The following KIAA1217 variants were observed in gnomAD, a reference collection of about 807,000 sequenced individuals.
KIAA1217 encodes the protein KIAA1217, also known as sickle tail protein homolog.
A neutral mutation model predicts 163.9 loss-of-function variants in KIAA1217; 88 were observed. The observed-to-expected ratio is 0.54, with a 90% confidence interval of 0.45 to 0.64. The LOEUF is 0.64. Ranked by LOEUF, KIAA1217 falls within the 30% of genes least tolerant of loss-of-function variation. The probability of loss-of-function intolerance (pLI) is 0.00; values close to 1 mark genes in which losing one functional copy is unlikely to be tolerated. For synonymous variants in KIAA1217, 903 were observed against 923.1 expected (o/e 0.98, Z 0.39); for missense variants, 2,372 against 2,475.0 (o/e 0.96, Z 0.88).
chr10:24,062,481 T>A (rs1291390437), intron 2 of KIAA1217, among the ~76,000 whole-genome samples: 2 of 151,772 alleles, frequency 1.3e-5, no homozygotes, highest in Middle Eastern at 3.2e-3. Flanking sequence ...TCATTTTTTA[T>A]GGCTGCATAG....
In KIAA1217 at chr10:24,367,231, G is replaced by A. The variant is rs141486891; in HGVS notation, c.355-13638G>A. 6.7e-3 allele frequency: 5,749 copies of A among 858,550 alleles called. 26 individuals carry two copies. The highest frequency in any genetic ancestry group is 7.3e-3 in the Non-Finnish European group (5,200 of 713,816). 53.2% of individuals were successfully genotyped at this position (858,550 alleles called of 1,614,324 possible). ...ACTCTACCTGTTCTTTTTCTGCATC[G>A]AGTTGCACCCTCATCCTGCACCTTT... On this transcript the variant is annotated intron_variant, in intron 2 of 20. Transcript: ENST00000376454.
At chr10:24,326,850 A>G (rs1025769747) in intron 2 of KIAA1217, among the ~76,000 whole-genome samples, 1 of 152,168 alleles carries the variant, frequency 6.6e-6, no homozygotes, top group Non-Finnish European at 1.5e-5. Flanking sequence ...ATGGCATTTT[A>G]ATGATAATTA....
intron 9 of KIAA1217, among the ~76,000 whole-genome samples, chr10:24,510,604 T>C (rs1222689746): frequency 6.6e-6 from 1 of 152,146 alleles, no homozygotes; most frequent in Non-Finnish European, 1.5e-5. Context: ...TTTAATTATC[T>C]ACTCATTTTC....
At chr10:23,959,245 A>G (rs1308665901) in intron 1 of KIAA1217, among the ~76,000 whole-genome samples, 1 of 152,070 alleles carries the variant, frequency 6.6e-6, no homozygotes, top group African/African-American at 2.4e-5. Context: ...ATAATAAAAG[A>G]TATGCTGGGC....
At chr10:24,457,427 G>T (rs1191760262) in intron 5 of KIAA1217, among the ~76,000 whole-genome samples, 16 of 151,034 alleles carry the variant, frequency 1.1e-4, no homozygotes, top group Admixed American at 9.9e-4. Flanking sequence ...AGGCTGGAGT[G>T]CAGTGGTATA....
At chr10:24,125,322 CTGTGTGTGTGTGTGTG>C (rs58143239) in intron 2 of KIAA1217, among the ~76,000 whole-genome samples, 60 of 143,814 alleles carry the variant, frequency 4.2e-4, no homozygotes, top group African/African-American at 1.5e-3. Context: ...ATCCTATGCT[CTGTGTGTGTGTGTGTG>C]TGTGTGTGTG....
chr10:24,163,102 G>A lies in KIAA1217; in HGVS notation c.-170-56524G>A, dbSNP rs556676796. ...AGTGTCAGGAAGCAGGCATCACTGG[G>A]GACCCTCTTGGAGGCTGCCTACCAC... On this transcript the variant is annotated intron_variant, in intron 2 of 18. Transcript: ENST00000376462. 2.6e-5 allele frequency among the ~76,000 whole-genome samples: 4 copies of A among 152,264 alleles called. No homozygotes were observed. In the South Asian group the frequency reaches 6.2e-4, roughly 24 times the overall value.
At chr10:24,410,701 G>A (rs2057687587) in intron 3 of KIAA1217, among the ~76,000 whole-genome samples, 1 of 152,204 alleles carries the variant, frequency 6.6e-6, no homozygotes, top group South Asian at 2.1e-4. Flanking sequence ...CAGGTTAATA[G>A]CACTTTTATA....
At chr10:24,465,275 C>T (rs1463524585) in intron 5 of KIAA1217, among the ~76,000 whole-genome samples, 2 of 152,208 alleles carry the variant, frequency 1.3e-5, no homozygotes, top group Non-Finnish European at 2.9e-5. Flanking sequence ...CCACTTCATC[C>T]AAATATTTTT....
chr10:24,513,182 C>T (rs1050592748), intron 9 of KIAA1217, 77 bp from the exon 10 acceptor site: 35 of 1,427,982 alleles, frequency 2.5e-5, no homozygotes, highest in Middle Eastern at 2.5e-4. Context: ...CAAAGTGCTC[C>T]GAAGACTTCA....
chr10:24,397,465 G>T (rs1253791276), intron 3 of KIAA1217, among the ~76,000 whole-genome samples: 1 of 152,178 alleles, frequency 6.6e-6, no homozygotes, highest in East Asian at 1.9e-4. Context: ...CTCATTCTAT[G>T]CTAGGCGGTA....
intron 6 of KIAA1217, among the ~76,000 whole-genome samples, chr10:24,486,328 A>G (rs2065391668): frequency 6.6e-6 from 1 of 152,222 alleles, no homozygotes; most frequent in South Asian, 2.1e-4. Flanking sequence ...ATGACACACA[A>G]GTAGGGAGAA....
intron 2 of KIAA1217, among the ~76,000 whole-genome samples, chr10:24,262,344 T>C (rs533187445): frequency 4.3e-4 from 65 of 152,250 alleles, no homozygotes; most frequent in Admixed American, 2.1e-3. Flanking sequence ...AGAGTCAATA[T>C]TGGCCGGGCG....
intron 3 of KIAA1217, among the ~76,000 whole-genome samples, chr10:24,416,128 A>G (rs1338316849): frequency 6.6e-6 from 1 of 152,248 alleles, no homozygotes; most frequent in South Asian, 2.1e-4. Context: ...GAAAGCTTTC[A>G]GTAGTGAACC....
rs183261589 is a variant in KIAA1217 at position 23,903,100 on chromosome 10, A to G, written c.-320-104125A>G. Among the ~76,000 whole-genome samples the G allele has an allele frequency of 7.0e-4, 107 of 152,168 alleles. 1 individual carries two copies. In the South Asian group the frequency reaches 7.9e-3, roughly 11 times the overall value. On this transcript the variant is annotated intron_variant, in intron 1 of 18. Coordinates refer to the KIAA1217 transcript ENST00000376462. ...CCAAGTTTCTTACTATAAAGTGACTATTGTCATTAGCCCGCACAAATACTG... is the reference window on the plus strand; with the variant it reads ...CCAAGTTTCTTACTATAAAGTGACTGTTGTCATTAGCCCGCACAAATACTG...
intron 3 of KIAA1217, among the ~76,000 whole-genome samples, chr10:24,390,546 T>G (rs2054774229): frequency 1.1e-5 from 1 of 93,480 alleles, no homozygotes; most frequent in Non-Finnish European, 1.9e-5. Context: ...ATGAGGAAAT[T>G]TCAAAAGAAA....
chr10:24,135,718 A>G (rs1421005032), intron 2 of KIAA1217, among the ~76,000 whole-genome samples: 1 of 152,064 alleles, frequency 6.6e-6, no homozygotes, highest in Non-Finnish European at 1.5e-5. Context: ...CTGAAGGCAG[A>G]AAGGATTGGC....
chr10:23,760,968 T>C (rs1426968720), intron 1 of KIAA1217, among the ~76,000 whole-genome samples: 2 of 152,114 alleles, frequency 1.3e-5, no homozygotes, highest in Non-Finnish European at 2.9e-5. Flanking sequence ...AATTGGACAA[T>C]AGCTGGGCAT....
intron 1 of KIAA1217, among the ~76,000 whole-genome samples, chr10:23,900,012 T>C (rs1282448428): frequency 2.0e-5 from 3 of 151,714 alleles, no homozygotes; most frequent in Admixed American, 2.0e-4. Context: ...TTTTTCCTTT[T>C]TTTTTCTTTG....
Sources: allele counts gnomAD v4.1 joint callset (sites outside exome capture counted in the v4.1 genomes callset), GRCh38; gene constraint gnomAD v4.1.1; transcripts MANE v1.5; gene names NCBI Gene and HGNC (gene_info 2026-07-23, HGNC 2026-07-21).